Variants in SYTL3 observed in about 807,000 individuals in gnomAD.
SYTL3 encodes synaptotagmin-like protein 3.
A neutral mutation model predicts 82.1 loss-of-function variants in SYTL3; 88 were observed. That is an observed-to-expected ratio of 1.07 (90% CI 0.90 to 1.28). The LOEUF (loss-of-function observed/expected upper bound fraction) is 1.28, where lower values mean the gene tolerates loss of function less well. Ranked by LOEUF, SYTL3 falls within the 50% of genes most tolerant of loss-of-function variation. SYTL3 has a pLI of 0.00. For missense variants in SYTL3, 831 were observed against 757.6 expected, an observed-to-expected ratio of 1.10 and a Z score of -1.14; for synonymous variants, 311 against 289.4, an observed-to-expected ratio of 1.07 and a Z score of -0.76.
chr6:158,668,414 A>G (rs1051330594), intron 5 of SYTL3, among the ~76,000 whole-genome samples: 2 of 152,186 alleles, frequency 1.3e-5, no homozygotes, highest in Admixed American at 1.3e-4. Flanking sequence ...TTTTTAGCAG[A>G]GACGGGGTTT....
At chr6:158,673,440 ATTT>A (rs553781177) in intron 5 of SYTL3, among the ~76,000 whole-genome samples, 5 of 134,496 alleles carry the variant, frequency 3.7e-5, no homozygotes, top group African/African-American at 8.2e-5. Flanking sequence ...TGGGAATAGC[ATTT>A]TTTTTTTTTT....
At chr6:158,730,492 G>A (rs765481231) in intron 11 of SYTL3, among the ~76,000 whole-genome samples, 2 of 152,216 alleles carry the variant, frequency 1.3e-5, no homozygotes, top group Admixed American at 1.3e-4. Flanking sequence ...TGGCCCGTAC[G>A]GGGATACACT....
At chr6:158,747,460 G>C (rs548236916) in intron 12 of SYTL3, among the ~76,000 whole-genome samples, 3 of 152,184 alleles carry the variant, frequency 2.0e-5, no homozygotes, top group African/African-American at 7.2e-5. Context: ...GTCCTAGTAG[G>C]CTCAAGGAAT....
At chr6:158,647,311 T>C (rs1458861919), upstream of SYTL3, among the ~76,000 whole-genome samples, 1 of 152,256 alleles carries the variant, frequency 6.6e-6, no homozygotes. Flanking sequence ...TGTTAAATGA[T>C]CGCGATGTAT....
chr6:158,651,574 G>A (rs1383116463), intron 1 of SYTL3, among the ~76,000 whole-genome samples, 179 bp from the exon 2 acceptor site: 14 of 151,982 alleles, frequency 9.2e-5, no homozygotes, highest in Admixed American at 5.2e-4. Context: ...GTGACAGAGC[G>A]AGACTCCATC....
intron 6 of SYTL3, among the ~76,000 whole-genome samples, chr6:158,694,072 T>C (rs1780302647): frequency 6.6e-6 from 1 of 152,080 alleles, no homozygotes; most frequent in South Asian, 2.1e-4. Flanking sequence ...GATAAACACA[T>C]CACCACTAAA....
chr6:158,672,739 C>T (rs1408033877), intron 5 of SYTL3, among the ~76,000 whole-genome samples: 1 of 151,822 alleles, frequency 6.6e-6, no homozygotes, highest in Non-Finnish European at 1.5e-5. Context: ...TCAAGTGAGT[C>T]TCCTGCCTCA....
intron 9 of SYTL3, among the ~76,000 whole-genome samples, chr6:158,714,109 T>A (rs1783068341): frequency 6.6e-6 from 1 of 152,204 alleles, no homozygotes; most frequent in South Asian, 2.1e-4. Context: ...TCCAAGCACT[T>A]TGGGAGGCCA....
chr6:158,723,419 C>T (rs1241611086), intron 10 of SYTL3, among the ~76,000 whole-genome samples: 2 of 151,840 alleles, frequency 1.3e-5, no homozygotes, highest in African/African-American at 4.9e-5. Flanking sequence ...TGCCAAGTTG[C>T]CCTCCACTGA....
At chr6:158,744,920 AT>A (rs1267074613) in intron 11 of SYTL3, among the ~76,000 whole-genome samples, 3 of 152,198 alleles carry the variant, frequency 2.0e-5, no homozygotes, top group African/African-American at 7.2e-5. Context: ...AACCAGAAAA[AT>A]TCAGATACAA....
intron 3 of SYTL3, among the ~76,000 whole-genome samples, chr6:158,662,204 A>G (rs1789456969): frequency 6.6e-6 from 1 of 152,210 alleles, no homozygotes; most frequent in South Asian, 2.1e-4. Context: ...CCATAGATTT[A>G]ATAACAAAAA....
rs562978140 is a variant in SYTL3, at chr6:158,757,810, A to G, written c.1308+429A>G. Among the ~76,000 whole-genome samples the G allele has an allele frequency of 1.4e-4, 21 of 152,348 alleles. 1 individual carries two copies. In the South Asian group the frequency reaches 3.9e-3, roughly 29 times the overall value. ...CAGGCACTCTCAATAATAGGTGACA[A>G]TAACTAACAGTAATAGGTGACAAAT... On this transcript the variant is annotated intron_variant, in intron 14 of 17. Coordinates refer to ENST00000611299, the MANE Select transcript of SYTL3 (RefSeq NM_001242394.2).
chr6:158,745,168 T>A (rs1043309653), intron 11 of SYTL3, among the ~76,000 whole-genome samples: 1 of 151,884 alleles, frequency 6.6e-6, no homozygotes, highest in African/African-American at 2.4e-5. Context: ...CTGGGAGTGA[T>A]CTTGCAGAAT....
intron 6 of SYTL3, among the ~76,000 whole-genome samples, chr6:158,685,585 G>A (rs573655127): frequency 1.1e-3 from 169 of 152,156 alleles, no homozygotes; most frequent in African/African-American, 3.3e-3. Context: ...TTGGGAGGCC[G>A]AGGTGGGCAG....
At chr6:158,695,203 A>G (rs1307778866) in intron 6 of SYTL3, among the ~76,000 whole-genome samples, 3 of 152,176 alleles carry the variant, frequency 2.0e-5, no homozygotes, top group Non-Finnish European at 4.4e-5. Context: ...TTTTCTACCA[A>G]AAAATTTACA....
chr6:158,732,767 A>G (rs1785576874), intron 11 of SYTL3, among the ~76,000 whole-genome samples: 1 of 152,070 alleles, frequency 6.6e-6, no homozygotes. Flanking sequence ...ATTCATCTCC[A>G]AGTGAACGTA....
intron 6 of SYTL3, among the ~76,000 whole-genome samples, chr6:158,686,445 C>CAT (rs1427780118): frequency 6.6e-6 from 1 of 152,074 alleles, no homozygotes; most frequent in Non-Finnish European, 1.5e-5. Flanking sequence ...GGGTAAGAGG[C>CAT]ATGGAACTAT....
chr6:158,682,831 ATATTTTGTGACCTTACC>A, intron 5 of SYTL3, 77 bp from the exon 6 acceptor site: 1 of 887,772 alleles, frequency 1.1e-6, no homozygotes. Context: ...TGCAAGACTA[ATATTTTGTGACCTTACC>A]TAACCCTTAA....
intron 6 of SYTL3, among the ~76,000 whole-genome samples, chr6:158,685,215 TC>T (rs1284159771): frequency 8.6e-5 from 12 of 140,082 alleles, no homozygotes; most frequent in African/African-American, 2.9e-4. Flanking sequence ...TCTCTCTCTC[TC>T]TTTTTTTTTT....
Sources: allele counts gnomAD v4.1 joint callset (sites outside exome capture counted in the v4.1 genomes callset), GRCh38; gene constraint gnomAD v4.1.1; transcripts MANE v1.5; gene names NCBI Gene and HGNC (gene_info 2026-07-23, HGNC 2026-07-21).